The following MYO5B variants were observed in gnomAD, a reference collection of about 807,000 sequenced individuals.
MYO5B encodes the protein myosin VB.
MYO5B carries 143 observed loss-of-function variants against 229.3 expected under a neutral mutation model. That is an observed-to-expected ratio of 0.62 (90% CI 0.54 to 0.72). The LOEUF is 0.72. Ranked by LOEUF, MYO5B falls within the 30% of genes least tolerant of loss-of-function variation. MYO5B has a pLI of 0.00. For synonymous variants in MYO5B, 918 were observed against 885.2 expected, an observed-to-expected ratio of 1.04 and a Z score of -0.66; for missense variants, 2,321 against 2,331.0, an observed-to-expected ratio of 1.00 and a Z score of 0.09.
chr18:49,929,482 C>T, intron 17 of MYO5B, 30 bp downstream of exon 17: 1 of 1,577,684 alleles, frequency 6.3e-7, no homozygotes, highest in Non-Finnish European at 8.6e-7. Context: ...AGGGCAGCCC[C>T]AGGAGGCAGC....
At chr18:50,043,096 G>A (rs1255985816) in intron 2 of MYO5B, among the ~76,000 whole-genome samples, 1 of 150,920 alleles carries the variant, frequency 6.6e-6, no homozygotes, top group Non-Finnish European at 1.5e-5. Flanking sequence ...CTACCCAGAG[G>A]AAAAGAAGTC....
chr18:49,932,398 T>G (rs1175455978), intron 16 of MYO5B, among the ~76,000 whole-genome samples: 1 of 152,214 alleles, frequency 6.6e-6, no homozygotes, highest in Non-Finnish European at 1.5e-5. Context: ...GTTTTTGAAC[T>G]CAGCCTTAAC....
At chr18:49,851,130 C>G (rs548127690) in intron 31 of MYO5B, 3 of 152,348 alleles carry the variant, frequency 2.0e-5, no homozygotes, top group African/African-American at 7.2e-5. Context: ...TTTGCAGCAT[C>G]TTATACACCA....
At chr18:49,875,980 C>G (rs1598850050) in intron 25 of MYO5B, among the ~76,000 whole-genome samples, 153 bp from the exon 26 acceptor site, 1 of 152,226 alleles carries the variant, frequency 6.6e-6, no homozygotes, top group African/African-American at 2.4e-5. Flanking sequence ...CAATGACAAC[C>G]AACTAACATT....
At chr18:49,869,136 G>A (rs139659617) in intron 27 of MYO5B, among the ~76,000 whole-genome samples, 7 of 152,324 alleles carry the variant, frequency 4.6e-5, no homozygotes, top group Non-Finnish European at 7.3e-5. Flanking sequence ...CTCAGGTAGA[G>A]TCTATAATTT....
At chr18:49,878,873 G>A in intron 24 of MYO5B, 72 bp downstream of exon 24, 1 of 1,557,824 alleles carries the variant, frequency 6.4e-7, no homozygotes, top group Non-Finnish European at 8.8e-7. Context: ...AGCAGTGCCT[G>A]AGATCACGTG....
At chr18:50,077,993 G>A (rs557207646) in intron 1 of MYO5B, among the ~76,000 whole-genome samples, 87 of 152,294 alleles carry the variant, frequency 5.7e-4, no homozygotes, top group African/African-American at 2.0e-3. Flanking sequence ...ATCACAGCCT[G>A]GACTTATTTC....
intron 17 of MYO5B, among the ~76,000 whole-genome samples, chr18:49,926,935 T>C (rs1425503041): frequency 1.3e-5 from 2 of 152,162 alleles, no homozygotes; most frequent in African/African-American, 2.4e-5. Context: ...ACAAATACTG[T>C]ATTAATCCAA....
chr18:50,051,824 T>C (rs1351803505), intron 2 of MYO5B, among the ~76,000 whole-genome samples: 1 of 152,196 alleles, frequency 6.6e-6, no homozygotes, highest in Non-Finnish European at 1.5e-5. Flanking sequence ...CCTGGGATCG[T>C]CAAACTCAGA....
intron 1 of MYO5B, among the ~76,000 whole-genome samples, chr18:50,137,151 A>C (rs1241257996): frequency 6.6e-6 from 1 of 152,250 alleles, no homozygotes; most frequent in Admixed American, 6.5e-5. Flanking sequence ...AGTGGCCACG[A>C]GGGCAGTTTA....
chr18:49,867,172 T>C (rs577448983), intron 27 of MYO5B, among the ~76,000 whole-genome samples: 27 of 152,186 alleles, frequency 1.8e-4, no homozygotes, highest in African/African-American at 6.5e-4. Flanking sequence ...GGCTGGAGTA[T>C]AACGTGGCAT....
At chr18:50,134,220 A>C (rs1475961009) in intron 1 of MYO5B, among the ~76,000 whole-genome samples, 1 of 152,190 alleles carries the variant, frequency 6.6e-6, no homozygotes, top group Non-Finnish European at 1.5e-5. Context: ...AGGGATAGAC[A>C]GAGGCACATA....
At position 49,984,907 on chromosome 18, in the gene MYO5B, G is replaced by T. The variant is rs562563913; in HGVS notation, c.839-82C>A. 9 of 990,862 alleles carry T rather than the reference G, an allele frequency of 9.1e-6. No homozygotes were observed. The South Asian group carries it at 9.1e-5, about 10-fold the overall frequency. 61.4% of individuals were successfully genotyped at this position (990,862 alleles called of 1,614,324 possible). A position where few individuals can be genotyped will look rare whatever the true frequency, so the allele number is the denominator to read the frequency against. On this transcript the variant is annotated intron_variant, in intron 7 of 39. Transcript: ENST00000285039. ...TCGTGACCCATGAAAATTCTACTCCGTTAGCATGCTATCCCAGACTAAATT... is the reference window on the plus strand; with the variant it reads ...TCGTGACCCATGAAAATTCTACTCCTTTAGCATGCTATCCCAGACTAAATT...
intron 21 of MYO5B, among the ~76,000 whole-genome samples, chr18:49,898,704 T>C (rs756333640): frequency 6.6e-6 from 1 of 152,208 alleles, no homozygotes; most frequent in Non-Finnish European, 1.5e-5. Context: ...TTCTTTTCTA[T>C]TAAGAACTCT....
At chr18:50,093,393 G>A (rs891587777) in intron 1 of MYO5B, among the ~76,000 whole-genome samples, 3 of 152,318 alleles carry the variant, frequency 2.0e-5, no homozygotes, top group South Asian at 2.1e-4. Context: ...TTGAGGATGG[G>A]AAGAGTAAAT....
intron 22 of MYO5B, among the ~76,000 whole-genome samples, chr18:49,880,803 C>T (rs1231276759): frequency 6.6e-6 from 1 of 152,194 alleles, no homozygotes; most frequent in Non-Finnish European, 1.5e-5. Context: ...TCCACTGAGG[C>T]TACATGATCC....
At position 49,904,573 on chromosome 18, in the gene MYO5B, G is replaced by T. The variant is rs563999913; in HGVS notation, c.2571+99C>A. On this transcript the variant is annotated intron_variant, in intron 20 of 39. Coordinates refer to ENST00000285039, the MANE Select transcript of MYO5B (RefSeq NM_001080467.3). ...GAGATGTGAAAGCATTTAGAAAAAA[G>T]TTGGGAGTGCTTGACAGAGGTTCAC... is the stretch of plus-strand genomic sequence containing the variant. 2.7e-6 allele frequency: 4 copies of T among 1,472,922 alleles called. No individual in the cohort carries two copies. In the East Asian group the frequency reaches 6.8e-5, roughly 25 times the overall value. The allele number at this position is 1,472,922 out of a possible 1,614,324, so 91.2% of individuals were successfully genotyped here. A position where few individuals can be genotyped will look rare whatever the true frequency, so the allele number is the denominator to read the frequency against.
intron 10 of MYO5B, among the ~76,000 whole-genome samples, chr18:49,973,322 G>A (rs540149694): frequency 3.0e-4 from 45 of 152,260 alleles, no homozygotes; most frequent in Middle Eastern, 6.8e-3. Flanking sequence ...GCCTGTCTCC[G>A]CATGCCACGT....
intron 1 of MYO5B, among the ~76,000 whole-genome samples, chr18:50,147,479 T>C (rs1336544419): frequency 6.6e-6 from 1 of 152,240 alleles, no homozygotes; most frequent in Non-Finnish European, 1.5e-5. Flanking sequence ...GTTTAACACA[T>C]GAAGCTGAAG....
Sources: allele counts gnomAD v4.1 joint callset (sites outside exome capture counted in the v4.1 genomes callset), GRCh38; gene constraint gnomAD v4.1.1; transcripts MANE v1.5; gene names NCBI Gene and HGNC (gene_info 2026-07-23, HGNC 2026-07-21).